Variants in SHISA9 observed in about 807,000 individuals in gnomAD.
SHISA9 encodes protein shisa-9.
SHISA9 carries 13 observed loss-of-function variants against 38.0 expected under a neutral mutation model. The observed-to-expected ratio is 0.34, with a 90% CI of 0.22 to 0.54. The LOEUF (loss-of-function observed/expected upper bound fraction) is 0.54, where lower values mean the gene tolerates loss of function less well. Ranked by LOEUF, SHISA9 falls within the 20% of genes least tolerant of loss-of-function variation. The pLI is 0.91. For synonymous variants in SHISA9, 275 were observed against 242.0 expected (o/e 1.14, Z -1.27); for missense variants, 538 against 575.8 (o/e 0.93, Z 0.67).
At chr16:13,411,355 G>A in the SHISA9 span, among the ~76,000 whole-genome samples, 3,399 of 152,328 alleles carry the variant, frequency 0.022, 134 homozygotes, top group African/African-American at 0.077. Context: ...GTGGTCCTGG[G>A]CAGAGTAATG....
the SHISA9 span, among the ~76,000 whole-genome samples, chr16:13,482,390 G>A: frequency 1.9e-4 from 29 of 152,288 alleles, no homozygotes; most frequent in African/African-American, 6.7e-4. Context: ...TTACCCCAGC[G>A]GTATTCACCA....
chr16:13,416,730 G>GA, the SHISA9 span, among the ~76,000 whole-genome samples: 1 of 98,356 alleles, frequency 1.0e-5, no homozygotes, highest in East Asian at 4.9e-4. Context: ...AAGAAAGGAA[G>GA]AAAGAAAGAA....
chr16:13,386,734 A>G, the SHISA9 span, among the ~76,000 whole-genome samples: 2 of 152,110 alleles, frequency 1.3e-5, 1 homozygote, highest in South Asian at 4.1e-4. Context: ...TTCTGCAGCA[A>G]TATGTTTTAG....
At chr16:13,189,766 T>C (rs1166702560) in intron 2 of SHISA9, among the ~76,000 whole-genome samples, 1 of 152,204 alleles carries the variant, frequency 6.6e-6, no homozygotes, top group Non-Finnish European at 1.5e-5. Context: ...TATGGTTAAT[T>C]GTTACATGAC....
intron 2 of SHISA9, among the ~76,000 whole-genome samples, chr16:13,044,353 G>A (rs759329856): frequency 7.2e-5 from 11 of 152,178 alleles, no homozygotes; most frequent in East Asian, 1.9e-4. Flanking sequence ...TTCCAGCCCC[G>A]CCACTTACTT....
At chr16:13,152,447 G>A (rs745557674) in intron 2 of SHISA9, among the ~76,000 whole-genome samples, 36 of 152,152 alleles carry the variant, frequency 2.4e-4, no homozygotes, top group African/African-American at 7.0e-4. Flanking sequence ...GAAGAAAAGC[G>A]AGATATTAAT....
chr16:13,057,995 G>C (rs984754823), intron 2 of SHISA9, among the ~76,000 whole-genome samples: 4 of 152,096 alleles, frequency 2.6e-5, no homozygotes, highest in Admixed American at 1.3e-4. Flanking sequence ...TCCTTTTTAT[G>C]GCTGTATAAT....
intron 4 of SHISA9, among the ~76,000 whole-genome samples, chr16:13,225,244 G>A (rs4635326): frequency 0.23 from 35,662 of 152,156 alleles, 4,588 homozygotes; most frequent in East Asian, 0.35. Flanking sequence ...TCCTCTAGCA[G>A]AGCCTTCAGA....
At chr16:13,398,341 A>G in the SHISA9 span, among the ~76,000 whole-genome samples, 1 of 152,006 alleles carries the variant, frequency 6.6e-6, no homozygotes, top group Non-Finnish European at 1.5e-5. Flanking sequence ...GTTAGTTTTT[A>G]AGTTTTTGGG....
chr16:13,562,536 G>A, the SHISA9 span, among the ~76,000 whole-genome samples: 72 of 151,610 alleles, frequency 4.7e-4, no homozygotes, highest in African/African-American at 1.5e-3. Flanking sequence ...AAGCTGAGGC[G>A]GGAGAATCTC....
rs1046573680 is a variant in SHISA9, at chr16:13,051,662, T to A, written c.691+134847T>A. Reference sequence around the variant, plus strand: ...AACAAATGACCAAAACAAAAGTGAATGTTGAAAGCCAGCCCATATTTCCAG... The same window carrying A: ...AACAAATGACCAAAACAAAAGTGAAAGTTGAAAGCCAGCCCATATTTCCAG... On this transcript the variant is annotated intron_variant, in intron 2 of 4. Coordinates refer to ENST00000558583, the MANE Select transcript of SHISA9 (RefSeq NM_001145204.3). Among the ~76,000 whole-genome samples the A allele has an allele frequency of 2.0e-5, 3 of 152,170 alleles. No individual in the cohort carries two copies. The South Asian group carries it at 6.2e-4, about 32-fold the overall frequency.
rs911649544 is a variant in SHISA9, at chr16:13,108,060, T to G, written c.692-95334T>G. ...GTGATCAGAGCTGAGAAATAAGAAA[T>G]TTTGGTAGGAGGACAGGGAGTGGAG... On this transcript the variant is annotated intron_variant, in intron 2 of 4. Coordinates refer to ENST00000558583, the MANE Select transcript of SHISA9 (RefSeq NM_001145204.3). Among the ~76,000 whole-genome samples, 3 of 151,952 alleles carry G rather than the reference T, an allele frequency of 2.0e-5. No individual in the cohort carries two copies. The East Asian group carries it at 5.8e-4, about 29-fold the overall frequency.
the SHISA9 span, among the ~76,000 whole-genome samples, chr16:13,358,733 A>G: frequency 6.6e-6 from 1 of 152,198 alleles, no homozygotes; most frequent in African/African-American, 2.4e-5. Context: ...TACCTGACCA[A>G]CATAAGACTG....
chr16:13,255,706 TTAC>T, the SHISA9 span, among the ~76,000 whole-genome samples: 7 of 152,216 alleles, frequency 4.6e-5, no homozygotes, highest in Non-Finnish European at 8.8e-5. Context: ...CTCCCAATCC[TTAC>T]TACTAATTTA....
the SHISA9 span, among the ~76,000 whole-genome samples, chr16:13,311,540 AG>A: frequency 6.6e-6 from 1 of 152,174 alleles, no homozygotes; most frequent in Non-Finnish European, 1.5e-5. Context: ...GTGGGTTTCA[AG>A]TAGCTTGGGC....
chr16:13,516,468 A>T, the SHISA9 span, among the ~76,000 whole-genome samples: 1 of 152,322 alleles, frequency 6.6e-6, no homozygotes, highest in Middle Eastern at 3.4e-3. Flanking sequence ...TTGGTCCAAG[A>T]TGAACTGAAA....
downstream of SHISA9, among the ~76,000 whole-genome samples, chr16:13,240,849 A>G: frequency 6.6e-6 from 1 of 151,830 alleles, no homozygotes; most frequent in Non-Finnish European, 1.5e-5. Flanking sequence ...CTGGTAGCAT[A>G]GAGTTTGAAA....
chr16:12,989,904 A>T lies in SHISA9; in HGVS notation c.691+73089A>T, dbSNP rs576534401. ...CGCCTGGGTGTGAAGCCGAGCACGC[A>T]TTAGCTATTCTTCCTGATGCTCTCC... On this transcript the variant is annotated intron_variant, in intron 2 of 4. Transcript: ENST00000558583. Among the ~76,000 whole-genome samples, 13 of 152,198 alleles carry T rather than the reference A, an allele frequency of 8.5e-5. No homozygotes were observed. In the South Asian group the frequency reaches 2.7e-3, roughly 32 times the overall value.
chr16:12,991,542 G>A (rs2072386047), intron 2 of SHISA9, among the ~76,000 whole-genome samples: 1 of 152,172 alleles, frequency 6.6e-6, no homozygotes, highest in African/African-American at 2.4e-5. Context: ...AGAGAACTAA[G>A]AAGTTCAAGC....
Sources: allele counts gnomAD v4.1 joint callset (sites outside exome capture counted in the v4.1 genomes callset), GRCh38; gene constraint gnomAD v4.1.1; transcripts MANE v1.5; gene names NCBI Gene and HGNC (gene_info 2026-07-23, HGNC 2026-07-21).